Variants in GPC6 observed in about 807,000 individuals in gnomAD.
GPC6 encodes glypican 6, also known as glypican-6.
A neutral mutation model predicts 55.2 loss-of-function variants in GPC6; 14 were observed. The ratio of observed to expected loss-of-function variants is 0.25; its 90% CI spans 0.17 to 0.40. GPC6 has a LOEUF of 0.40. Among genes scored for constraint, GPC6 ranks in the 10% least tolerant of loss-of-function variants. The probability of loss-of-function intolerance (pLI) is 1.00; values close to 1 mark genes in which losing one functional copy is unlikely to be tolerated. For missense variants in GPC6, 641 were observed against 708.5 expected, an observed-to-expected ratio of 0.90 and a Z score of 1.08; for synonymous variants, 278 against 259.6, an observed-to-expected ratio of 1.07 and a Z score of -0.68.
intron 2 of GPC6, among the ~76,000 whole-genome samples, chr13:93,555,738 A>G (rs977753919): frequency 6.6e-6 from 1 of 152,202 alleles, no homozygotes; most frequent in Admixed American, 6.5e-5. Flanking sequence ...AGGCGTGAAT[A>G]AGAAATGTTT....
chr13:94,017,045 G>T (rs1158383555), intron 3 of GPC6, among the ~76,000 whole-genome samples: 1 of 152,072 alleles, frequency 6.6e-6, no homozygotes, highest in Non-Finnish European at 1.5e-5. Context: ...ATGTTGGCCA[G>T]GCTGGTCTTG....
chr13:93,688,706 T>C lies in GPC6; in HGVS notation c.320-141448T>C, dbSNP rs112542258. Among the ~76,000 whole-genome samples, 1,363 of 152,170 alleles carry C rather than the reference T, an allele frequency of 9.0e-3. 37 individuals carry two copies. Among genetic ancestry groups the C allele is most frequent in the African/African-American group, 0.031 (1,292 of 41,558 alleles). On this transcript the variant is annotated intron_variant, in intron 2 of 8. Coordinates refer to ENST00000377047, the MANE Select transcript of GPC6 (RefSeq NM_005708.5). ...ATTGCATGATTTCACTTACATGAAG[T>C]ACCTAGAGTGGGCAAATTCGTAGAG...
chr13:93,649,498 A>G (rs536963546), intron 2 of GPC6, among the ~76,000 whole-genome samples: 224 of 152,194 alleles, frequency 1.5e-3, no homozygotes, highest in African/African-American at 5.1e-3. Flanking sequence ...ATCAAACACA[A>G]CGCATGGTAT....
intron 2 of GPC6, among the ~76,000 whole-genome samples, chr13:93,808,281 A>G (rs905636453): frequency 2.0e-5 from 3 of 152,220 alleles, no homozygotes; most frequent in Non-Finnish European, 4.4e-5. Flanking sequence ...CACAAAATAT[A>G]TTTCTTGTAA....
intron 2 of GPC6, among the ~76,000 whole-genome samples, chr13:93,712,891 C>T (rs981026256): frequency 4.0e-5 from 6 of 151,050 alleles, no homozygotes; most frequent in East Asian, 3.9e-4. Flanking sequence ...AAGATAATAG[C>T]GTATTTTAAA....
At chr13:93,425,628 T>A (rs1249552451) in intron 1 of GPC6, among the ~76,000 whole-genome samples, 3 of 152,230 alleles carry the variant, frequency 2.0e-5, no homozygotes. Context: ...AGGATCACCA[T>A]GCTCCAGTAA....
At chr13:93,893,016 A>G (rs1875778674) in intron 3 of GPC6, among the ~76,000 whole-genome samples, 1 of 152,162 alleles carries the variant, frequency 6.6e-6, no homozygotes, top group Non-Finnish European at 1.5e-5. Flanking sequence ...TCCTTCAGCA[A>G]CAGGTAAGAA....
intron 1 of GPC6, among the ~76,000 whole-genome samples, chr13:93,230,446 T>C (rs964035382): frequency 2.0e-5 from 3 of 152,154 alleles, no homozygotes; most frequent in Non-Finnish European, 4.4e-5. Flanking sequence ...CAGTTTTCAC[T>C]CAGCACTGAT....
At chr13:93,647,282 T>C (rs927456701) in intron 2 of GPC6, among the ~76,000 whole-genome samples, 5 of 152,178 alleles carry the variant, frequency 3.3e-5, no homozygotes, top group African/African-American at 1.2e-4. Flanking sequence ...TTTTTCCAGC[T>C]AATTTTTTAA....
intron 2 of GPC6, among the ~76,000 whole-genome samples, chr13:93,711,177 T>A (rs921869974): frequency 2.6e-5 from 4 of 151,794 alleles, no homozygotes; most frequent in African/African-American, 9.7e-5. Flanking sequence ...AGAGATGACA[T>A]TAAAACTCTA....
At chr13:94,364,224 C>T (rs1441423087) in intron 6 of GPC6, among the ~76,000 whole-genome samples, 2 of 152,142 alleles carry the variant, frequency 1.3e-5, no homozygotes, top group African/African-American at 2.4e-5. Flanking sequence ...ACTTCTGCAG[C>T]TTGTAGGAGA....
chr13:94,325,745 C>G (rs1358135874), intron 6 of GPC6, among the ~76,000 whole-genome samples: 1 of 152,184 alleles, frequency 6.6e-6, no homozygotes, highest in African/African-American at 2.4e-5. Flanking sequence ...GAGGTCAGCT[C>G]CTTCCCAACC....
chr13:93,488,687 G>T (rs1290761820), intron 1 of GPC6, among the ~76,000 whole-genome samples: 18 of 152,032 alleles, frequency 1.2e-4, no homozygotes, highest in East Asian at 3.9e-4. Context: ...TGGTATCTCA[G>T]TGTGGTTTTG....
rs1441250747 is a variant in GPC6 at position 94,372,692 on chromosome 13, C to T, written c.1153-9722C>T. Among the ~76,000 whole-genome samples the T allele has an allele frequency of 3.2e-4, 49 of 151,804 alleles. No individual in the cohort carries two copies. In the East Asian group the frequency reaches 9.1e-3, roughly 28 times the overall value. On this transcript the variant is annotated intron_variant, in intron 6 of 8. Coordinates refer to ENST00000377047, the MANE Select transcript of GPC6 (RefSeq NM_005708.5). ...AGGTAAACAAAGCAGCCTGGAAGCT[C>T]GAACTGGGTGGAGCCCACCACAGCT...
At chr13:94,082,931 T>A (rs1310203590) in intron 4 of GPC6, among the ~76,000 whole-genome samples, 2 of 152,300 alleles carry the variant, frequency 1.3e-5, no homozygotes, top group East Asian at 3.9e-4. Context: ...AAATGCTGGA[T>A]CCTGTATTTC....
intron 4 of GPC6, among the ~76,000 whole-genome samples, chr13:94,223,078 T>A (rs1890435156): frequency 6.6e-6 from 1 of 152,156 alleles, no homozygotes; most frequent in Non-Finnish European, 1.5e-5. Flanking sequence ...TACCCTGTAA[T>A]TCCCAAATCC....
intron 4 of GPC6, among the ~76,000 whole-genome samples, chr13:94,152,845 C>G (rs1222969771): frequency 6.6e-6 from 1 of 152,096 alleles, no homozygotes; most frequent in East Asian, 1.9e-4. Context: ...TGGAAGTCAG[C>G]TCAAGGCAAC....
At chr13:93,230,581 A>G (rs147472525) in intron 1 of GPC6, among the ~76,000 whole-genome samples, 251 of 152,258 alleles carry the variant, frequency 1.6e-3, no homozygotes, top group African/African-American at 5.6e-3. Flanking sequence ...TGGTATAGAA[A>G]TGTTTCCAGA....
intron 4 of GPC6, among the ~76,000 whole-genome samples, chr13:94,282,441 A>G (rs1000854112): frequency 6.6e-6 from 1 of 152,192 alleles, no homozygotes; most frequent in Non-Finnish European, 1.5e-5. Flanking sequence ...AACTGCCCCC[A>G]TGATTCAATT....
Sources: allele counts gnomAD v4.1 joint callset (sites outside exome capture counted in the v4.1 genomes callset), GRCh38; gene constraint gnomAD v4.1.1; transcripts MANE v1.5; gene names NCBI Gene and HGNC (gene_info 2026-07-23, HGNC 2026-07-21).